The following ZC3HAV1 variants were observed in gnomAD, a reference collection of about 807,000 sequenced individuals.
The protein encoded by ZC3HAV1 is zinc finger CCCH-type containing, antiviral 1.
A neutral mutation model predicts 86.6 loss-of-function variants in ZC3HAV1; 41 were observed. The observed-to-expected ratio is 0.47, with a 90% CI of 0.37 to 0.61. ZC3HAV1 has a LOEUF of 0.61. Among genes scored for constraint, ZC3HAV1 ranks in the 20% least tolerant of loss-of-function variants. The probability of loss-of-function intolerance (pLI) is 0.00; values close to 1 mark genes in which losing one functional copy is unlikely to be tolerated. For synonymous variants in ZC3HAV1, 421 were observed against 432.1 expected (o/e 0.97, Z 0.32); for missense variants, 964 against 1,141.1 (o/e 0.84, Z 2.24).
intron 7 of ZC3HAV1, among the ~76,000 whole-genome samples, chr7:139,071,650 T>C (rs1162329609): frequency 1.3e-5 from 2 of 152,108 alleles, no homozygotes; most frequent in African/African-American, 2.4e-5. Flanking sequence ...ATCATAGGTG[T>C]TTTCACACAC....
At chr7:139,054,123 T>C (rs765069409) in intron 10 of ZC3HAV1, 28 bp from the exon 11 acceptor site, 1 of 1,544,336 alleles carries the variant, frequency 6.5e-7, no homozygotes, top group South Asian at 1.2e-5. Context: ...TAGATAAATG[T>C]GAAATAGGAA....
Position 139,108,566 on chromosome 7 carries a change from G to A in ZC3HAV1, c.308+458C>T, listed in dbSNP as rs1233295889. Among the ~76,000 whole-genome samples, 1 of 152,214 alleles carries A rather than the reference G, an allele frequency of 6.6e-6. No homozygotes were observed. The highest frequency in any genetic ancestry group is 2.4e-5 in the African/African-American group (1 of 41,458). On this transcript the variant is annotated intron_variant, in intron 1 of 12. Coordinates refer to ENST00000242351, the MANE Select transcript of ZC3HAV1 (RefSeq NM_020119.4). The surrounding 1 kb of genome is among the most constrained non-coding windows in gnomAD (Gnocchi z 4.2). Reference sequence around the variant, plus strand: ...CTCGCTCCGGCGGAGACGGACCGGGGGCCCAGGGCGGCTGGGTTACTGGCT... The same window carrying A: ...CTCGCTCCGGCGGAGACGGACCGGGAGCCCAGGGCGGCTGGGTTACTGGCT...
At chr7:139,056,927 C>T (rs1191451819) in intron 9 of ZC3HAV1, among the ~76,000 whole-genome samples, 1 of 152,164 alleles carries the variant, frequency 6.6e-6, no homozygotes, top group East Asian at 1.9e-4. Context: ...TTATCATTAA[C>T]TTTGTTACAT....
chr7:139,106,453 A>C (rs1817938573), intron 1 of ZC3HAV1, among the ~76,000 whole-genome samples: 1 of 152,100 alleles, frequency 6.6e-6, no homozygotes, highest in African/African-American at 2.4e-5. Flanking sequence ...TCTCTACTAA[A>C]AATACAAAAA....
In ZC3HAV1 at chr7:139,046,356, A is replaced by G. The variant is rs1815954803; in HGVS notation, c.*1238T>C. On this transcript the variant is annotated 3_prime_UTR_variant, in exon 13 of 13. Transcript: ENST00000242351. Reference sequence around the variant, plus strand: ...GGCCCTGCTCCTAGGTTCTTGGCTCACTTGCCAAGACTACAATAGCACTCG... The same window carrying G: ...GGCCCTGCTCCTAGGTTCTTGGCTCGCTTGCCAAGACTACAATAGCACTCG... 1 of 152,190 alleles carries G rather than the reference A, an allele frequency of 6.6e-6. No homozygotes were observed. Among genetic ancestry groups the G allele is most frequent in the African/African-American group, 2.4e-5 (1 of 41,438 alleles). 9.4% of individuals were successfully genotyped at this position (152,190 alleles called of 1,614,324 possible). A position where few individuals can be genotyped will look rare whatever the true frequency, so the allele number is the denominator to read the frequency against.
chr7:139,055,765 GA>G (rs1173564230), intron 9 of ZC3HAV1, among the ~76,000 whole-genome samples: 1 of 152,088 alleles, frequency 6.6e-6, no homozygotes, highest in Non-Finnish European at 1.5e-5. Flanking sequence ...AAAGCTACCA[GA>G]AAAATTCTTC....
chr7:139,056,415 CTTTTTT>C (rs1312540665), intron 9 of ZC3HAV1, among the ~76,000 whole-genome samples: 2 of 35,992 alleles, frequency 5.6e-5, no homozygotes, highest in Non-Finnish European at 1.1e-4. Context: ...CTTTTCTTTT[CTTTTTT>C]TTTTTTTTTG....
intron 1 of ZC3HAV1, among the ~76,000 whole-genome samples, chr7:139,101,488 G>A (rs1384040195): frequency 1.2e-3 from 124 of 103,668 alleles, no homozygotes; most frequent in Middle Eastern, 4.1e-3. Flanking sequence ...GCCTCAGCCC[G>A]GCCACCACCC....
chr7:139,085,208 T>C (rs1006849244), intron 2 of ZC3HAV1, among the ~76,000 whole-genome samples: 1 of 152,248 alleles, frequency 6.6e-6, no homozygotes, highest in Admixed American at 6.5e-5. Context: ...TGGATGATTC[T>C]GATGTCCGCT....
chr7:139,105,428 T>C (rs560823763), intron 1 of ZC3HAV1, among the ~76,000 whole-genome samples: 1 of 152,332 alleles, frequency 6.6e-6, no homozygotes, highest in East Asian at 1.9e-4. Flanking sequence ...ACATAGTTAT[T>C]TGTTCGATAA....
intron 1 of ZC3HAV1, among the ~76,000 whole-genome samples, chr7:139,101,133 G>C (rs1385645542): frequency 6.6e-6 from 1 of 152,302 alleles, no homozygotes; most frequent in African/African-American, 2.4e-5. Flanking sequence ...ACGGGGTCTT[G>C]CTCACTCAGT....
At position 139,054,093 on chromosome 7, in the gene ZC3HAV1, C is replaced by A; in HGVS notation, c.2190G>T (p.Leu730Phe). 1 of 1,570,090 alleles carries A rather than the reference C, an allele frequency of 6.4e-7. No individual in the cohort carries two copies. The part of the protein sequence containing the change: ...FCFLSSKKYK[L>F]SEIHHLHPEY... ...CTGGATGTAGGTGATGGATCTCTGA[C>A]AACTAATAAAGTTTAAAAATAGATA... Residue 730 changes from leucine to phenylalanine, a missense_variant and splice_region_variant, in exon 11 of 13, where the codon TTG (leucine) becomes TTT (phenylalanine). Transcript: ENST00000242351.
At chr7:139,065,262 T>C (rs1459333834) in intron 7 of ZC3HAV1, among the ~76,000 whole-genome samples, 1 of 152,190 alleles carries the variant, frequency 6.6e-6, no homozygotes, top group East Asian at 1.9e-4. Context: ...TGCAATACTC[T>C]TTTACAGCCT....
At chr7:139,097,428 A>ATATATTTTTTTTTTTTTTTTTTTTTT in intron 1 of ZC3HAV1, among the ~76,000 whole-genome samples, 1 of 48,160 alleles carries the variant, frequency 2.1e-5, no homozygotes, top group African/African-American at 1.1e-4. Flanking sequence ...ATATATATAT[A>ATATATTTTTTTTTTTTTTTTTTTTTT]TTTTTTTTTT....
At position 139,079,989 on chromosome 7, in the gene ZC3HAV1, G is replaced by A. The variant is rs1817078174; in HGVS notation, c.952C>T (p.Leu318Phe). 6.2e-7 allele frequency: 1 copy of A among 1,614,176 alleles called. No individual in the cohort carries two copies. The highest frequency in any genetic ancestry group is 8.5e-7 in the Non-Finnish European group (1 of 1,180,024). The change falls in exon 4 of 13, where the codon CTT becomes TTT. Residue 318 changes from leucine (L) to phenylalanine (F), a missense_variant. Transcript: ENST00000242351. ...PPSGSSKATD[L>F]GGTSQAGTSQ... ...GTCCCGGCCTGACTTGTTCCTCCAA[G>A]ATCAGTAGCCTTGGACGAGCCTGAG...
chr7:139,089,734 C>A lies in ZC3HAV1; in HGVS notation c.334G>T (p.Val112Phe), dbSNP rs546962587. Residue 112 changes from valine (V) to phenylalanine (F), a missense_variant, in exon 2 of 13, where the codon GTT becomes TTT. Physicochemically the swap from Val to Phe is conservative, Grantham distance 50. Coordinates refer to ENST00000242351, the MANE Select transcript of ZC3HAV1 (RefSeq NM_020119.4). ...ACTTTGAAGTTCTCTTCTGAGAGAA[C>A]CTCATGAGAATATTTGCATAAATTC... Reference protein sequence around the residue: ...ERNLCKYSHEVLSEENFKVLK... With the variant: ...ERNLCKYSHEFLSEENFKVLK... 1.4e-5 allele frequency: 23 copies of A among 1,611,652 alleles called. No individual in the cohort carries two copies. The South Asian group carries it at 2.3e-4, about 16-fold the overall frequency.
intron 7 of ZC3HAV1, among the ~76,000 whole-genome samples, chr7:139,070,504 A>G (rs976337662): frequency 2.0e-5 from 3 of 151,512 alleles, no homozygotes; most frequent in Non-Finnish European, 4.4e-5. Flanking sequence ...CTCTACTAAA[A>G]ATATAAAAAA....
rs1193825195 is a variant in ZC3HAV1 at position 139,046,678 on chromosome 7, T to G, written c.*916A>C. The G allele has an allele frequency of 6.6e-6, 1 of 152,194 alleles. No homozygotes were observed. Among genetic ancestry groups the G allele is most frequent in the Non-Finnish European group, 1.5e-5 (1 of 68,034 alleles). The allele number at this position is 152,194 out of a possible 1,614,324, so 9.4% of individuals were successfully genotyped here. A position where few individuals can be genotyped will look rare whatever the true frequency, so the allele number is the denominator to read the frequency against. ...AAAGAAAAGGGTGCTCCAAATCAGTTTCATCAGAATGATAAGGTACAGTAC... is the reference window on the plus strand; with the variant it reads ...AAAGAAAAGGGTGCTCCAAATCAGTGTCATCAGAATGATAAGGTACAGTAC... On this transcript the variant is annotated 3_prime_UTR_variant, in exon 13 of 13. Transcript: ENST00000242351.
rs188016573 is a variant in ZC3HAV1 at position 139,055,437 on chromosome 7, C to T, written c.2097-142G>A. ...TCTGTATTTTTCTCTGGACTACATC[C>T]TCACATATTCCTGGTATAGATGTAC... On this transcript the variant is annotated intron_variant, in intron 9 of 12. Coordinates refer to ENST00000242351, the MANE Select transcript of ZC3HAV1 (RefSeq NM_020119.4). 195 of 587,432 alleles carry T rather than the reference C, an allele frequency of 3.3e-4. 3 individuals are homozygous for T. In the Middle Eastern group the frequency reaches 7.8e-3, roughly 23 times the overall value. 36.4% of individuals were successfully genotyped at this position (587,432 alleles called of 1,614,324 possible). A position where few individuals can be genotyped will look rare whatever the true frequency, so the allele number is the denominator to read the frequency against.
Sources: allele counts gnomAD v4.1 joint callset (sites outside exome capture counted in the v4.1 genomes callset), GRCh38; gene constraint gnomAD v4.1.1; non-coding constraint Gnocchi (gnomAD v3.1); transcripts MANE v1.5; gene names NCBI Gene and HGNC (gene_info 2026-07-23, HGNC 2026-07-21).